MMRN1: variants seen among roughly 807,000 people sequenced by gnomAD.
MMRN1 encodes the protein multimerin 1.
Under a neutral mutation model 100.7 loss-of-function variants are expected in MMRN1, and 94 were observed. That is an observed-to-expected ratio of 0.93 (90% confidence interval 0.79 to 1.11). The LOEUF is 1.11. MMRN1 is among the 50% of genes least tolerant of loss of function. The pLI is 0.00. For synonymous variants in MMRN1, 575 were observed against 505.0 expected (o/e 1.14, Z -1.86); for missense variants, 1,606 against 1,439.1 (o/e 1.12, Z -1.88).
intron 3 of MMRN1, among the ~76,000 whole-genome samples, chr4:89,921,058 C>CA (rs1263944566): frequency 6.6e-6 from 1 of 152,022 alleles, no homozygotes; most frequent in African/African-American, 2.4e-5. Context: ...TTGTATTCAA[C>CA]AAAACAATAT....
chr4:89,940,653 C>A (rs888240261), intron 6 of MMRN1, among the ~76,000 whole-genome samples: 1 of 151,986 alleles, frequency 6.6e-6, no homozygotes, highest in African/African-American at 2.4e-5. Context: ...TTTTTCTAGG[C>A]CTTTCTTTCC....
At chr4:89,941,630 T>C (rs1722827736) in intron 6 of MMRN1, among the ~76,000 whole-genome samples, 2 of 151,872 alleles carry the variant, frequency 1.3e-5, no homozygotes, top group Admixed American at 1.3e-4. Flanking sequence ...GTACAAAGAG[T>C]CTGGGCATGG....
At position 89,935,176 on chromosome 4, in the gene MMRN1, G is replaced by A. The variant is rs772461485; in HGVS notation, c.1496G>A (p.Ser499Asn). 2.5e-5 allele frequency: 41 copies of A among 1,613,324 alleles called. No homozygotes were observed. Among genetic ancestry groups the A allele is most frequent in the Admixed American group, 6.7e-5 (4 of 59,910 alleles). ...EGALEQEHSR[S>N]ILYYESLNKT... is the part of the protein sequence containing the mutation. Reference sequence around the variant, plus strand: ...GCTCTAGAACAGGAACACTCAAGAAGCATTCTGTATTATGAATCCCTCAAT... The same window carrying A: ...GCTCTAGAACAGGAACACTCAAGAAACATTCTGTATTATGAATCCCTCAAT... The change falls in exon 6 of 8, where the codon AGC becomes AAC. Residue 499 changes from serine (S) to asparagine (N), a missense_variant. Coordinates refer to ENST00000264790, the MANE Select transcript of MMRN1 (RefSeq NM_007351.3).
chr4:89,882,405 A>AT (rs1578455707), intron 1 of MMRN1, among the ~76,000 whole-genome samples: 1 of 151,520 alleles, frequency 6.6e-6, no homozygotes, highest in Non-Finnish European at 1.5e-5. Context: ...CATTTAGGTG[A>AT]TTTTAAGAGG....
At chr4:89,906,434 C>A (rs186110551) in intron 1 of MMRN1, among the ~76,000 whole-genome samples, 1 of 151,596 alleles carries the variant, frequency 6.6e-6, no homozygotes, top group African/African-American at 2.4e-5. Context: ...ACAAAAGCAA[C>A]AGAGTTATTA....
At chr4:89,892,139 G>A (rs1261403738), upstream of MMRN1, among the ~76,000 whole-genome samples, 1 of 151,496 alleles carries the variant, frequency 6.6e-6, no homozygotes, top group Non-Finnish European at 1.5e-5. Flanking sequence ...GCAGTATATA[G>A]TGAATCCTAT....
chr4:89,950,678 T>C (rs1723137088), intron 6 of MMRN1, among the ~76,000 whole-genome samples: 1 of 149,018 alleles, frequency 6.7e-6, no homozygotes, highest in African/African-American at 2.6e-5. Context: ...TTTTAACTTA[T>C]TTTTTTCTGA....
chr4:89,936,492 G>A lies in MMRN1; in HGVS notation c.2812G>A (p.Val938Met). ...AATGTGTCACAATGCTTCTACAAGT[G>A]TGTCAGAACTGAATGCTACCATCCC... is the stretch of plus-strand genomic sequence containing the variant. Reference protein sequence around the residue: ...LTMCHNASTSVSELNATIPKW... With the variant: ...LTMCHNASTSMSELNATIPKW... Residue 938 changes from valine (V) to methionine (M), a missense_variant, in exon 6 of 8, where the codon GTG becomes ATG. By Grantham distance (21) the Val-to-Met change is conservative. Transcript: ENST00000264790. 6.2e-7 allele frequency: 1 copy of A among 1,613,220 alleles called. No homozygotes were observed. Among genetic ancestry groups the A allele is most frequent in the Non-Finnish European group, 8.5e-7 (1 of 1,179,668 alleles).
intron 3 of MMRN1, among the ~76,000 whole-genome samples, chr4:89,917,615 G>C (rs1214024209): frequency 2.6e-5 from 4 of 151,754 alleles, no homozygotes; most frequent in African/African-American, 9.7e-5. Context: ...GCAATTTATT[G>C]ATTTCTACAA....
chr4:89,933,100 T>G (rs1722493875), intron 5 of MMRN1, among the ~76,000 whole-genome samples: 1 of 152,192 alleles, frequency 6.6e-6, no homozygotes, highest in Admixed American at 6.5e-5. Context: ...CTCTGCTGCT[T>G]AGAAATTTCT....
chr4:89,895,638 G>C (rs533716397), intron 1 of MMRN1, 44 bp downstream of exon 1: 1 of 1,530,144 alleles, frequency 6.5e-7, no homozygotes, highest in Non-Finnish European at 8.8e-7. Context: ...TGTCTATCAG[G>C]TCTAGAAGAT....
intron 1 of MMRN1, among the ~76,000 whole-genome samples, chr4:89,898,771 C>T (rs1183997186): frequency 6.6e-6 from 1 of 152,010 alleles, no homozygotes; most frequent in Non-Finnish European, 1.5e-5. Flanking sequence ...ATAATAACTC[C>T]AGGAAGCCTT....
intron 6 of MMRN1, among the ~76,000 whole-genome samples, chr4:89,939,900 G>T (rs1482535403): frequency 6.6e-6 from 1 of 152,098 alleles, no homozygotes; most frequent in African/African-American, 2.4e-5. Flanking sequence ...TATGGCCAGT[G>T]GGTACTTATT....
At chr4:89,928,561 G>T (rs1722338444) in intron 5 of MMRN1, among the ~76,000 whole-genome samples, 1 of 152,140 alleles carries the variant, frequency 6.6e-6, no homozygotes, top group Non-Finnish European at 1.5e-5. Flanking sequence ...AGGATCAACA[G>T]GATAATCCAT....
chr4:89,894,762 C>T, upstream of MMRN1: 2 of 717,710 alleles, frequency 2.8e-6, no homozygotes, highest in South Asian at 5.8e-5. Context: ...TAGAGCCATC[C>T]CACTAGAGGT....
chr4:89,898,773 G>A (rs1462346180), intron 1 of MMRN1, among the ~76,000 whole-genome samples: 2 of 151,962 alleles, frequency 1.3e-5, no homozygotes, highest in Non-Finnish European at 2.9e-5. Context: ...AATAACTCCA[G>A]GAAGCCTTCT....
intron 6 of MMRN1, among the ~76,000 whole-genome samples, chr4:89,944,880 T>C (rs187890221): frequency 6.6e-5 from 10 of 152,310 alleles, no homozygotes; most frequent in Non-Finnish European, 1.3e-4. Context: ...AACTTACATT[T>C]AGTTAAATGT....
intron 1 of MMRN1, among the ~76,000 whole-genome samples, chr4:89,907,860 C>A (rs1440955239): frequency 2.0e-5 from 3 of 147,234 alleles, no homozygotes; most frequent in Non-Finnish European, 4.5e-5. Context: ...TGGATTTTTA[C>A]TCCATATACT....
At chr4:89,904,322 G>A (rs1721489668) in intron 1 of MMRN1, among the ~76,000 whole-genome samples, 1 of 151,554 alleles carries the variant, frequency 6.6e-6, no homozygotes, top group Admixed American at 6.6e-5. Context: ...GTCTTTAAAT[G>A]TACAGTTCTG....
Sources: allele counts gnomAD v4.1 joint callset (sites outside exome capture counted in the v4.1 genomes callset), GRCh38; gene constraint gnomAD v4.1.1; transcripts MANE v1.5; gene names NCBI Gene and HGNC (gene_info 2026-07-23, HGNC 2026-07-21).